ATP1B1: variants seen among roughly 807,000 people sequenced by gnomAD.
ATP1B1 encodes the protein sodium/potassium-transporting ATPase subunit beta-1.
Under a neutral mutation model 39.6 loss-of-function variants are expected in ATP1B1, and 3 were observed. That is an observed-to-expected ratio of 0.08 (90% CI 0.03 to 0.20). The LOEUF (loss-of-function observed/expected upper bound fraction) is 0.20, where lower values mean the gene tolerates loss of function less well. Among genes scored for constraint, ATP1B1 ranks in the 10% least tolerant of loss-of-function variants. ATP1B1 has a pLI of 1.00. For synonymous variants in ATP1B1, 139 were observed against 135.0 expected, an observed-to-expected ratio of 1.03 and a Z score of -0.20; for missense variants, 216 against 371.1, an observed-to-expected ratio of 0.58 and a Z score of 3.43.
chr1:169,111,225 GT>G, intron 1 of ATP1B1, 144 bp from the exon 2 acceptor site: 1 of 1,088,170 alleles, frequency 9.2e-7, no homozygotes, highest in Non-Finnish European at 1.3e-6. Context: ...TGTCAGTGGG[GT>G]GAGGTGCACT....
At chr1:169,116,212 T>C (rs1657844254) in intron 2 of ATP1B1, among the ~76,000 whole-genome samples, 1 of 152,232 alleles carries the variant, frequency 6.6e-6, no homozygotes, top group African/African-American at 2.4e-5. Flanking sequence ...CATCCGCCAT[T>C]GCCCTTCCCC....
chr1:169,112,773 A>AT (rs1022513277), intron 2 of ATP1B1, among the ~76,000 whole-genome samples: 3 of 152,202 alleles, frequency 2.0e-5, no homozygotes, highest in African/African-American at 7.2e-5. Context: ...GAAAAAAAAA[A>AT]TCACGTAAGT....
rs1569632 is a variant in ATP1B1 at position 169,107,439 on chromosome 1, C to T, written c.97+513C>T. 1.8e-3 allele frequency among the ~76,000 whole-genome samples: 274 copies of T among 152,278 alleles called. 1 individual carries two copies. Among genetic ancestry groups the T allele is most frequent in the African/African-American group, 6.2e-3 (256 of 41,562 alleles). ...AAGGGTGGAGAGGAATCCATCCACA[C>T]TGTAGTATTTCACAGCGATGGCTAA... On this transcript the variant is annotated intron_variant, in intron 1 of 5. Coordinates refer to ENST00000367815, the MANE Select transcript of ATP1B1 (RefSeq NM_001677.4).
chr1:169,131,479 A>T lies in ATP1B1; in HGVS notation c.836A>T (p.Tyr279Phe). 1 of 1,614,206 alleles carries T rather than the reference A, an allele frequency of 6.2e-7. No homozygotes were observed. The highest frequency in any genetic ancestry group is 1.6e-4 in the Middle Eastern group (1 of 6,062). ...GAAATTCGCATAGAGTGTAAGGCGTACGGTGAGAACATTGGGTACAGTGAG... is the reference window on the plus strand; with the variant it reads ...GAAATTCGCATAGAGTGTAAGGCGTTCGGTGAGAACATTGGGTACAGTGAG... Reference protein sequence around the residue: ...DTEIRIECKAYGENIGYSEKD... With the variant: ...DTEIRIECKAFGENIGYSEKD... Residue 279 changes from tyrosine (Y) to phenylalanine (F), a missense_variant, in exon 6 of 6, where the codon TAC (tyrosine) becomes TTC (phenylalanine). Tyr to Phe is a conservative substitution (Grantham distance 22). Transcript: ENST00000367815. This position sits in a 1 kb window ranked among gnomAD's most constrained non-coding sequence, Gnocchi z 4.4.
chr1:169,132,718 C>T lies in ATP1B1; in HGVS notation c.*1163C>T. The T allele has an allele frequency of 6.9e-7, 1 of 1,439,906 alleles. No individual in the cohort carries two copies. Among genetic ancestry groups the T allele is most frequent in the East Asian group, 2.3e-5 (1 of 43,688 alleles). 89.2% of individuals were successfully genotyped at this position (1,439,906 alleles called of 1,614,324 possible). On this transcript the variant is annotated 3_prime_UTR_variant, in exon 6 of 6. Transcript: ENST00000367815. ...ACAACGGACAATAAAAGAATGAACA[C>T]ATTCCTCGTGTGTGATTCACTCTTG...
chr1:169,126,556 A>T (rs1310782408), intron 3 of ATP1B1, among the ~76,000 whole-genome samples: 2 of 151,914 alleles, frequency 1.3e-5, no homozygotes, highest in Admixed American at 6.6e-5. Flanking sequence ...CTGCAAAATT[A>T]AAAAAAACTA....
At chr1:169,119,469 T>C (rs561300596) in intron 2 of ATP1B1, among the ~76,000 whole-genome samples, 1 of 152,320 alleles carries the variant, frequency 6.6e-6, no homozygotes, top group African/African-American at 2.4e-5. Flanking sequence ...TCTTTGGCCC[T>C]CTGGGAGTTA....
In ATP1B1 at chr1:169,132,352, G is replaced by T; in HGVS notation, c.*797G>T. On this transcript the variant is annotated 3_prime_UTR_variant, in exon 6 of 6. Transcript: ENST00000367815. ...GGCTAGTGACAGGGCTAATTAATTT[G>T]CTTTATACATTTTCTTTTACTTTCC... is the stretch of plus-strand genomic sequence containing the variant. The T allele has an allele frequency of 8.6e-6, 4 of 466,078 alleles. No homozygotes were observed. Among genetic ancestry groups the T allele is most frequent in the Non-Finnish European group, 1.5e-5 (4 of 258,174 alleles). 28.9% of individuals were successfully genotyped at this position (466,078 alleles called of 1,614,324 possible).
At position 169,131,951 on chromosome 1, in the gene ATP1B1, C is replaced by G. The variant is rs972137636; in HGVS notation, c.*396C>G. 1.3e-5 allele frequency: 4 copies of G among 317,608 alleles called. No homozygotes were observed. Among genetic ancestry groups the G allele is most frequent in the African/African-American group, 6.9e-5 (3 of 43,278 alleles). The allele number at this position is 317,608 out of a possible 1,614,324, so 19.7% of individuals were successfully genotyped here. On this transcript the variant is annotated 3_prime_UTR_variant, in exon 6 of 6. Transcript: ENST00000367815. This position sits in a 1 kb window ranked among gnomAD's most constrained non-coding sequence, Gnocchi z 4.4. ...AGCCATGTTTTATTGTATCTGTTTT[C>G]TACTTTATGTGAGCAAGGTTTGCTG...
At chr1:169,111,291 T>G in intron 1 of ATP1B1, 79 bp from the exon 2 acceptor site, 1 of 1,568,862 alleles carries the variant, frequency 6.4e-7, no homozygotes, top group Admixed American at 1.7e-5. Context: ...GAAGGAAGCT[T>G]GTTCATCCGT....
At chr1:169,121,871 T>C (rs1203113181) in intron 2 of ATP1B1, among the ~76,000 whole-genome samples, 1 of 152,158 alleles carries the variant, frequency 6.6e-6, no homozygotes, top group Admixed American at 6.5e-5. Flanking sequence ...GCTTGCATAA[T>C]TGTTGTTTAT....
chr1:169,124,760 A>AG (rs2101789182), intron 2 of ATP1B1, 124 bp from the exon 3 acceptor site: 1 of 1,058,954 alleles, frequency 9.4e-7, no homozygotes, highest in East Asian at 2.6e-5. Flanking sequence ...TTAACAAGGG[A>AG]GGCAAGACCC....
intron 2 of ATP1B1, among the ~76,000 whole-genome samples, chr1:169,115,483 G>A (rs1055884477): frequency 2.6e-5 from 4 of 151,664 alleles, no homozygotes; most frequent in African/African-American, 9.7e-5. Flanking sequence ...CGAGTAGCTG[G>A]GGCTACAGGT....
At chr1:169,109,621 G>A (rs1200131) in intron 1 of ATP1B1, among the ~76,000 whole-genome samples, 49,684 of 152,014 alleles carry the variant, frequency 0.33, 8,702 homozygotes, top group African/African-American at 0.43. Context: ...TTGTTTTTCC[G>A]TTGCTCTTAT....
chr1:169,116,392 G>A (rs1205244845), intron 2 of ATP1B1, among the ~76,000 whole-genome samples: 2 of 152,156 alleles, frequency 1.3e-5, no homozygotes, highest in African/African-American at 4.8e-5. Flanking sequence ...CTGAAGTATA[G>A]ACGGCTCAGT....
Position 169,131,351 on chromosome 1 carries a change from T to G in ATP1B1, c.708T>G (p.Pro236=), listed in dbSNP as rs879027392. ...AGTATTTTGGACTGGGCAACTCCCCTGGTTTTCCTCTGCAGTATTATCCGT... is the reference window on the plus strand; with the variant it reads ...AGTATTTTGGACTGGGCAACTCCCCGGGTTTTCCTCTGCAGTATTATCCGT... ...NVEYFGLGNS[P]GFPLQYYPYY... Residue 236 remains proline, a synonymous_variant, in exon 6 of 6, where the codon CCT becomes CCG. Coordinates refer to ENST00000367815, the MANE Select transcript of ATP1B1 (RefSeq NM_001677.4). This position sits in a 1 kb window ranked among gnomAD's most constrained non-coding sequence, Gnocchi z 4.4. The G allele has an allele frequency of 1.5e-5, 25 of 1,614,080 alleles. No homozygotes were observed. Among genetic ancestry groups the G allele is most frequent in the Admixed American group, 3.3e-5 (2 of 60,000 alleles).
chr1:169,124,982 C>A lies in ATP1B1; in HGVS notation c.325C>A (p.Leu109Met), dbSNP rs1156384998. 4.3e-6 allele frequency: 7 copies of A among 1,613,868 alleles called. No individual in the cohort carries two copies. The highest frequency in any genetic ancestry group is 5.9e-6 in the Non-Finnish European group (7 of 1,179,984). ...ATATGTACTGAACATAGTTAGGTTC[C>A]TGGAAAAGTACAAAGATTCAGCCCA... The part of the protein sequence containing the change: ...EAYVLNIVRF[L>M]EKYKDSAQRD... Residue 109 changes from leucine to methionine, a missense_variant, in exon 3 of 6, where the codon CTG (leucine) becomes ATG (methionine). Transcript: ENST00000367815.
intron 2 of ATP1B1, 59 bp downstream of exon 2, chr1:169,111,557 T>C (rs997625693): frequency 6.4e-7 from 1 of 1,567,622 alleles, no homozygotes; most frequent in Non-Finnish European, 8.6e-7. Flanking sequence ...TCACTTTTTC[T>C]ATTGAGAAAA....
chr1:169,125,091 C>A, intron 3 of ATP1B1, 52 bp downstream of exon 3: 2 of 1,519,722 alleles, frequency 1.3e-6, no homozygotes, highest in South Asian at 1.3e-5. Flanking sequence ...CTCTTTAACT[C>A]TTATTTCCCA....
Sources: allele counts gnomAD v4.1 joint callset (sites outside exome capture counted in the v4.1 genomes callset), GRCh38; gene constraint gnomAD v4.1.1; non-coding constraint Gnocchi (gnomAD v3.1); transcripts MANE v1.5; gene names NCBI Gene and HGNC (gene_info 2026-07-23, HGNC 2026-07-21).